Variants in POLA2 observed in about 807,000 individuals in gnomAD.
POLA2 encodes the protein DNA polymerase alpha subunit B.
POLA2 carries 47 observed loss-of-function variants against 82.8 expected under a neutral mutation model. That is an observed-to-expected ratio of 0.57 (90% CI 0.45 to 0.72). The LOEUF (loss-of-function observed/expected upper bound fraction) is 0.72. Among genes scored for constraint, POLA2 ranks in the 30% least tolerant of loss-of-function variants. The pLI, the probability that POLA2 is intolerant of heterozygous loss-of-function variation, is 0.00. For synonymous variants in POLA2, 287 were observed against 286.8 expected (o/e 1.00, Z -0.01); for missense variants, 634 against 728.1 (o/e 0.87, Z 1.49).
chr11:65,284,321 AC>A (rs1371965989), intron 10 of POLA2, among the ~76,000 whole-genome samples: 1 of 152,008 alleles, frequency 6.6e-6, no homozygotes, highest in East Asian at 1.9e-4. Flanking sequence ...AAAAATAAAA[AC>A]AAAAAAAATC....
chr11:65,289,004 G>A, intron 11 of POLA2, 46 bp from the exon 12 acceptor site: 1 of 1,576,484 alleles, frequency 6.3e-7, no homozygotes, highest in Non-Finnish European at 8.7e-7. Context: ...ACAGACACAA[G>A]TGATTCTGAT....
Position 65,281,700 on chromosome 11 carries a change from G to C in POLA2, c.931G>C (p.Gly311Arg). 6.2e-7 allele frequency: 1 copy of C among 1,613,938 alleles called. No homozygotes were observed. Residue 311 changes from glycine to arginine, a missense_variant, in exon 9 of 18, where the codon GGT (glycine) becomes CGT (arginine). Gly to Arg is a moderately radical substitution (Grantham distance 125, BLOSUM62 -2). Transcript: ENST00000265465. ...AATTATGGAAGGAATCAACACCACT[G>C]GTAGGAAACTTGTTGCCACCAAACT... Reference protein sequence around the residue: ...VVIMEGINTTGRKLVATKLYE... With the variant: ...VVIMEGINTTRRKLVATKLYE...
downstream of POLA2, chr11:65,298,718 G>C (rs1949839735): frequency 6.6e-6 from 1 of 152,228 alleles, no homozygotes. Context: ...AGTTTTATAG[G>C]CACCTCCTCT....
chr11:65,303,150 G>A (rs1590915427), downstream of POLA2, among the ~76,000 whole-genome samples: 1 of 152,178 alleles, frequency 6.6e-6, no homozygotes, highest in South Asian at 2.1e-4. Flanking sequence ...AGACCATCCT[G>A]GCTAACACGG....
intron 7 of POLA2, 179 bp from the exon 8 acceptor site, chr11:65,280,811 CAG>C: frequency 1.7e-6 from 1 of 592,684 alleles, no homozygotes; most frequent in East Asian, 3.0e-5. Flanking sequence ...GATGCCCTTT[CAG>C]AGTTCTTCCA....
intron 7 of POLA2, 169 bp downstream of exon 7, chr11:65,279,795 C>A: frequency 1.8e-6 from 1 of 558,234 alleles, no homozygotes; most frequent in Admixed American, 3.4e-5. Flanking sequence ...TTTGTAAGTG[C>A]TGTCTGGTTT....
chr11:65,264,132 A>G (rs745711766), intron 1 of POLA2, among the ~76,000 whole-genome samples: 5 of 152,012 alleles, frequency 3.3e-5, no homozygotes, highest in Non-Finnish European at 7.4e-5. Flanking sequence ...CAATGGTGCA[A>G]TCTTGGCTCA....
intron 10 of POLA2, among the ~76,000 whole-genome samples, chr11:65,287,210 G>A (rs1342293967): frequency 6.6e-6 from 1 of 152,102 alleles, no homozygotes; most frequent in Non-Finnish European, 1.5e-5. Flanking sequence ...AAAGCGTGAT[G>A]GGTGGCCCCT....
chr11:65,282,467 C>G lies in POLA2; in HGVS notation c.964-12C>G, dbSNP rs1357886231. ...GCGCAAGACCTTACTTGAGCTTTTC[C>G]CCTGTTTTTAGGGTGTGCCACTTCC... On this transcript the variant is annotated splice_polypyrimidine_tract_variant and intron_variant, in intron 9 of 17. Coordinates refer to ENST00000265465, the MANE Select transcript of POLA2 (RefSeq NM_002689.4). The G allele has an allele frequency of 1.2e-6, 2 of 1,613,238 alleles. No individual in the cohort carries two copies. The highest frequency in any genetic ancestry group is 4.5e-5 in the East Asian group (2 of 44,866).
intron 12 of POLA2, 68 bp from the exon 13 acceptor site, chr11:65,289,731 C>G (rs1301409563): frequency 6.9e-6 from 7 of 1,018,390 alleles, no homozygotes; most frequent in Non-Finnish European, 9.2e-6. Flanking sequence ...GGTCACCTAA[C>G]AATGTTAAAC....
intron 10 of POLA2, among the ~76,000 whole-genome samples, chr11:65,287,173 G>A (rs1186087693): frequency 6.6e-6 from 1 of 152,078 alleles, no homozygotes; most frequent in African/African-American, 2.4e-5. Flanking sequence ...TCTCCAAAAG[G>A]AAAGCAGCTG....
At chr11:65,282,395 C>A in intron 9 of POLA2, 84 bp from the exon 10 acceptor site, 1 of 1,137,642 alleles carries the variant, frequency 8.8e-7, no homozygotes. Flanking sequence ...ACACCTGCAC[C>A]ACCCCCAACC....
At chr11:65,273,493 C>A (rs1949543867) in intron 4 of POLA2, among the ~76,000 whole-genome samples, 1 of 152,122 alleles carries the variant, frequency 6.6e-6, no homozygotes, top group African/African-American at 2.4e-5. Context: ...GCCTTGTTTA[C>A]CAAAGTGCTG....
At chr11:65,278,693 G>C in intron 5 of POLA2, 37 bp from the exon 6 acceptor site, 3 of 1,531,246 alleles carry the variant, frequency 2.0e-6, no homozygotes, top group Non-Finnish European at 2.7e-6. Flanking sequence ...CTTTAGATAT[G>C]AACACAGTAA....
rs1447219226 is a variant in POLA2 at position 65,262,318 on chromosome 11, C to A, written c.26C>A (p.Ala9Glu). 3.7e-6 allele frequency: 6 copies of A among 1,613,568 alleles called. No individual in the cohort carries two copies. The South Asian group carries it at 6.6e-5, about 18-fold the overall frequency. MSASAQQL[A>E]EELQIFGLDC... is the part of the protein sequence containing the mutation. ...ATGTCCGCATCCGCCCAGCAGCTGG[C>A]GGAGGAGCTGCAGATCTTCGGCCTA... Residue 9 changes from alanine to glutamate, a missense_variant, in exon 1 of 18, where the codon GCG (alanine) becomes GAG (glutamate). Physicochemically the swap from Ala to Glu is moderately radical, Grantham distance 107 (BLOSUM62 -1). Transcript: ENST00000265465.
intron 7 of POLA2, 124 bp downstream of exon 7, chr11:65,279,750 T>C (rs1435205302): frequency 2.9e-6 from 2 of 687,058 alleles, no homozygotes; most frequent in Non-Finnish European, 4.9e-6. Flanking sequence ...TCTGTCTTGG[T>C]TGAATTTGGG....
intron 4 of POLA2, among the ~76,000 whole-genome samples, chr11:65,273,437 CTA>C (rs1174381600): frequency 6.6e-6 from 1 of 152,188 alleles, no homozygotes; most frequent in Non-Finnish European, 1.5e-5. Context: ...TTGGTGAACA[CTA>C]TTGGATTTCA....
intron 1 of POLA2, 25 bp from the exon 2 acceptor site, chr11:65,266,557 A>G (rs760707188): frequency 1.9e-6 from 3 of 1,613,016 alleles, no homozygotes; most frequent in East Asian, 2.2e-5. Flanking sequence ...CTAAGTTTTT[A>G]CTTGTCCAAT....
intron 4 of POLA2, among the ~76,000 whole-genome samples, chr11:65,271,809 A>G (rs1949524153): frequency 6.7e-6 from 1 of 148,680 alleles, no homozygotes; most frequent in Non-Finnish European, 1.5e-5. Flanking sequence ...ACTGCCCTCC[A>G]GGCTGGATGA....
Sources: gnomAD v4.1 joint callset for allele counts (sites outside exome capture counted in the v4.1 genomes callset) on GRCh38, gnomAD v4.1.1 for gene constraint, MANE v1.5 for transcripts, NCBI Gene and HGNC (gene_info 2026-07-23, HGNC 2026-07-21) for gene names.